Variants in ATXN2L observed in about 807,000 individuals in gnomAD.
ATXN2L encodes the protein ataxin 2 like.
Under a neutral mutation model 120.7 loss-of-function variants are expected in ATXN2L, and 24 were observed. The observed-to-expected ratio is 0.20, with a 90% CI of 0.14 to 0.28. The LOEUF is 0.28. Among genes scored for constraint, ATXN2L ranks in the 10% least tolerant of loss-of-function variants. The pLI is 1.00. For missense variants in ATXN2L, 1,312 were observed against 1,432.3 expected, an observed-to-expected ratio of 0.92 and a Z score of 1.36; for synonymous variants, 653 against 568.1, an observed-to-expected ratio of 1.15 and a Z score of -2.13.
rs948524340 is a variant in ATXN2L at position 28,823,458 on chromosome 16, A to G, written c.199A>G (p.Ser67Gly). 210 of 1,332,222 alleles carry G rather than the reference A, an allele frequency of 1.6e-4. 1 individual carries two copies. Among genetic ancestry groups the G allele is most frequent in the Non-Finnish European group, 1.9e-4 (200 of 1,047,252 alleles). The allele number at this position is 1,332,222 out of a possible 1,614,324, so 82.5% of individuals were successfully genotyped here. A position where few individuals can be genotyped will look rare whatever the true frequency, so the allele number is the denominator to read the frequency against. Reference sequence around the variant, plus strand: ...CCTGGGGCCTGTGGCCGCTGCCGGGAGCGGGCTCCGCCGGGGAGCCGAAGG... The same window carrying G: ...CCTGGGGCCTGTGGCCGCTGCCGGGGGCGGGCTCCGCCGGGGAGCCGAAGG... The part of the protein sequence containing the change: ...PCLGPVAAAG[S>G]GLRRGAEGIL... The change falls in exon 1 of 22, where the codon AGC becomes GGC. Residue 67 changes from serine (S) to glycine (G), a missense_variant. Coordinates refer to ENST00000336783, the MANE Select transcript of ATXN2L (RefSeq NM_007245.4).
chr16:28,827,017 C>A, intron 6 of ATXN2L, 31 bp downstream of exon 6: 1 of 1,416,360 alleles, frequency 7.1e-7, no homozygotes, highest in Non-Finnish European at 9.3e-7. Flanking sequence ...AACTTGGGAG[C>A]TGGACAGACA....
At position 28,832,362 on chromosome 16, in the gene ATXN2L, T is replaced by G. The variant is rs780696192; in HGVS notation, c.1479T>G (p.Ser493=). The change falls in exon 11 of 22, where the codon TCT becomes TCG. Residue 493 remains serine (S), a synonymous_variant. Transcript: ENST00000336783. ...CAGATCCTGGAGTGGGCTCCATTTC[T>G]CCAGCTTCTCCAAAGATCTCCCTGG... The part of the protein sequence containing the change: ...SVSDPGVGSI[S]PASPKISLAP... 18 of 1,614,070 alleles carry G rather than the reference T, an allele frequency of 1.1e-5. No homozygotes were observed. Among genetic ancestry groups the G allele is most frequent in the Non-Finnish European group, 1.4e-5 (17 of 1,180,054 alleles).
intron 6 of ATXN2L, 52 bp from the exon 7 acceptor site, chr16:28,829,349 C>A: frequency 7.9e-7 from 1 of 1,267,116 alleles, no homozygotes; most frequent in Non-Finnish European, 1.2e-6. Flanking sequence ...AGGGAAGTGA[C>A]TTGTCGTTGC....
Position 28,826,848 on chromosome 16 carries a change from C to G in ATXN2L, c.617-14C>G. 2 of 1,558,530 alleles carry G rather than the reference C, an allele frequency of 1.3e-6. No homozygotes were observed. The highest frequency in any genetic ancestry group is 1.7e-6 in the Non-Finnish European group (2 of 1,146,840). On this transcript the variant is annotated splice_polypyrimidine_tract_variant and intron_variant, in intron 5 of 21. Coordinates refer to ENST00000336783, the MANE Select transcript of ATXN2L (RefSeq NM_007245.4). Reference sequence around the variant, plus strand: ...ATATAGCCTGACTCCTGATCTTCACCTCTGCCCCCACAGACAAGTTCACCG... The same window carrying G: ...ATATAGCCTGACTCCTGATCTTCACGTCTGCCCCCACAGACAAGTTCACCG...
chr16:28,824,162 G>C (rs949056941), intron 1 of ATXN2L: 1 of 1,023,148 alleles, frequency 9.8e-7, no homozygotes, highest in African/African-American at 1.7e-5. Context: ...CGTGCGCGTG[G>C]ATGCTCGGTC....
intron 21 of ATXN2L, 68 bp from the exon 22 acceptor site, chr16:28,835,865 T>C (rs1960411406): frequency 6.4e-7 from 1 of 1,573,836 alleles, no homozygotes; most frequent in African/African-American, 1.3e-5. Flanking sequence ...TAGTGCTCCC[T>C]AACTCTGGCT....
intron 1 of ATXN2L, 63 bp downstream of exon 1, chr16:28,823,621 G>A: frequency 7.9e-7 from 1 of 1,265,496 alleles, no homozygotes; most frequent in Middle Eastern, 3.1e-4. Context: ...CTCGGTTCCG[G>A]TGGGGCGGAC....
chr16:28,833,658 C>T (rs1337016799), intron 15 of ATXN2L, 150 bp downstream of exon 15: 7 of 874,374 alleles, frequency 8.0e-6, no homozygotes, highest in South Asian at 1.6e-5. Flanking sequence ...AAGGATGGCA[C>T]CTTTGGGGCT....
intron 6 of ATXN2L, among the ~76,000 whole-genome samples, chr16:28,828,148 T>C (rs2052917529): frequency 6.6e-6 from 1 of 152,218 alleles, no homozygotes; most frequent in African/African-American, 2.4e-5. Flanking sequence ...CTAAAAATAG[T>C]ACCTTGCTGG....
intron 8 of ATXN2L, 109 bp from the exon 9 acceptor site, chr16:28,830,506 G>T (rs148222425): frequency 2.7e-5 from 28 of 1,036,474 alleles, no homozygotes; most frequent in Non-Finnish European, 3.8e-5. Flanking sequence ...GCCAGGCAGT[G>T]TGTGTATGTT....
chr16:28,830,143 T>C, intron 8 of ATXN2L, 85 bp downstream of exon 8: 1 of 1,332,666 alleles, frequency 7.5e-7, no homozygotes, highest in Non-Finnish European at 1.0e-6. Flanking sequence ...TGCTGTGGTT[T>C]AAGCCTTGTG....
rs552161267 is a variant in ATXN2L, at chr16:28,826,085, A to G, written c.466-155A>G. On this transcript the variant is annotated intron_variant, in intron 4 of 21. Coordinates refer to ENST00000336783, the MANE Select transcript of ATXN2L (RefSeq NM_007245.4). ...TCCTGTGGCTGATGTTGAGAAAACA[A>G]TGCACTTGGTTCCAAGCATGTTGAG... 3.3e-4 allele frequency: 306 copies of G among 935,802 alleles called. 5 individuals are homozygous for G. In the South Asian group the frequency reaches 4.1e-3, roughly 13 times the overall value. The allele number at this position is 935,802 out of a possible 1,614,324, so 58.0% of individuals were successfully genotyped here.
At chr16:28,826,737 G>T in intron 5 of ATXN2L, 125 bp from the exon 6 acceptor site, 1 of 1,195,746 alleles carries the variant, frequency 8.4e-7, no homozygotes, top group Non-Finnish European at 1.1e-6. Flanking sequence ...TAACACACGG[G>T]CACACGTACT....
Position 28,835,666 on chromosome 16 carries a change from C to G in ATXN2L, c.2803C>G (p.Pro935Ala). The G allele has an allele frequency of 1.9e-6, 3 of 1,614,082 alleles. No individual in the cohort carries two copies. In the East Asian group the frequency reaches 6.7e-5, roughly 36 times the overall value. The change falls in exon 21 of 22, where the codon CCT becomes GCT. Residue 935 changes from proline (P) to alanine (A), a missense_variant. Coordinates refer to ENST00000336783, the MANE Select transcript of ATXN2L (RefSeq NM_007245.4). ...SLPPGPSAQSPQSSFPQPAAV... is the reference protein window; with the variant it reads ...SLPPGPSAQSAQSSFPQPAAV... ...GCCACCGGGACCTTCTGCCCAGTCC[C>G]CTCAGAGCAGCTTCCCCCAGCCAGC... is the stretch of plus-strand genomic sequence containing the variant.
At chr16:28,835,885 T>C in intron 21 of ATXN2L, 48 bp from the exon 22 acceptor site, 1 of 1,561,522 alleles carries the variant, frequency 6.4e-7, no homozygotes, top group Non-Finnish European at 8.7e-7. Flanking sequence ...TCTCAGAGTC[T>C]GTTTCAGGAT....
chr16:28,825,614 T>G lies in ATXN2L; in HGVS notation c.337-10T>G. The G allele has an allele frequency of 1.2e-6, 2 of 1,613,320 alleles. No individual in the cohort carries two copies. The highest frequency in any genetic ancestry group is 8.5e-7 in the Non-Finnish European group (1 of 1,179,224). ...ACTCCTTTAATTCTCCCTCTTATGT[T>G]AACTGACAGGTGTTTGAAGGCGTCT... On this transcript the variant is annotated splice_polypyrimidine_tract_variant and intron_variant, in intron 2 of 21. Transcript: ENST00000336783.
Position 28,824,046 on chromosome 16 carries a change from C to G in ATXN2L, c.299+488C>G, listed in dbSNP as rs867297740. The G allele has an allele frequency of 1.3e-5, 13 of 963,226 alleles. No individual in the cohort carries two copies. The South Asian group carries it at 2.5e-4, about 19-fold the overall frequency. 59.7% of individuals were successfully genotyped at this position (963,226 alleles called of 1,614,324 possible). A position where few individuals can be genotyped will look rare whatever the true frequency, so the allele number is the denominator to read the frequency against. On this transcript the variant is annotated intron_variant, in intron 1 of 21. Transcript: ENST00000336783. ...GAGCGGGTTGCTGCCTCCCCCTTCCCGGTCTGGCCAGTAGGAGGGGAGCGA... is the reference window on the plus strand; with the variant it reads ...GAGCGGGTTGCTGCCTCCCCCTTCCGGGTCTGGCCAGTAGGAGGGGAGCGA...
At position 28,826,912 on chromosome 16, in the gene ATXN2L, C is replaced by A; in HGVS notation, c.667C>A (p.His223Asn). 6.3e-7 allele frequency: 1 copy of A among 1,599,338 alleles called. No individual in the cohort carries two copies. Among genetic ancestry groups the A allele is most frequent in the Non-Finnish European group, 8.5e-7 (1 of 1,170,848 alleles). ...IAMNSKVNGE[H>N]KEKVLQRWEG... ...CATGAACTCGAAAGTGAATGGGGAACACAAAGAGAAGGTGCTTCAGCGCTG... is the reference window on the plus strand; with the variant it reads ...CATGAACTCGAAAGTGAATGGGGAAAACAAAGAGAAGGTGCTTCAGCGCTG... The change falls in exon 6 of 22, where the codon CAC becomes AAC. Residue 223 changes from histidine (H) to asparagine (N), a missense_variant. His to Asn is a moderately conservative substitution (Grantham distance 68). Transcript: ENST00000336783.
intron 1 of ATXN2L, chr16:28,824,304 A>G (rs145242428): frequency 1.7e-6 from 2 of 1,190,022 alleles, no homozygotes; most frequent in Non-Finnish European, 2.1e-6. Flanking sequence ...TGTGTGTGTT[A>G]ATGGAATTAA....
Sources: allele counts gnomAD v4.1 joint callset (sites outside exome capture counted in the v4.1 genomes callset), GRCh38; gene constraint gnomAD v4.1.1; transcripts MANE v1.5; gene names NCBI Gene and HGNC (gene_info 2026-07-23, HGNC 2026-07-21).